ERICH5: variants seen among roughly 807,000 people sequenced by gnomAD.
ERICH5 encodes glutamate-rich protein 5.
A neutral mutation model predicts 28.0 loss-of-function variants in ERICH5; 24 were observed. The observed-to-expected ratio is 0.86, with a 90% CI of 0.62 to 1.21. The LOEUF is 1.21. ERICH5 is among the 50% of genes most tolerant of loss of function. ERICH5 has a pLI of 0.00. For synonymous variants in ERICH5, 163 were observed against 157.6 expected (o/e 1.03, Z -0.25); for missense variants, 421 against 441.2 (o/e 0.95, Z 0.41).
chr8:98,093,339 A>C lies in ERICH5; in HGVS notation c.*6A>C, dbSNP rs764878424. On this transcript the variant is annotated 3_prime_UTR_variant, in exon 3 of 3. Coordinates refer to ENST00000318528, the MANE Select transcript of ERICH5 (RefSeq NM_173549.3). ...ACCTTTCAGCAGCCACATAGATAGAAGAGTGAACCGACACAGTGTGTTATC... is the reference window on the plus strand; with the variant it reads ...ACCTTTCAGCAGCCACATAGATAGACGAGTGAACCGACACAGTGTGTTATC... 2 of 1,598,358 alleles carry C rather than the reference A, an allele frequency of 1.3e-6. No individual in the cohort carries two copies. Among genetic ancestry groups the C allele is most frequent in the South Asian group, 2.2e-5 (2 of 90,554 alleles).
intron 1 of ERICH5, among the ~76,000 whole-genome samples, chr8:98,065,172 C>A (rs986366338): frequency 6.6e-6 from 1 of 152,212 alleles, no homozygotes; most frequent in East Asian, 1.9e-4. Context: ...TCTCTTGAGA[C>A]CAGAAGTTCG....
intron 1 of ERICH5, among the ~76,000 whole-genome samples, chr8:98,087,529 T>A (rs1388025096): frequency 1.3e-5 from 2 of 151,960 alleles, no homozygotes; most frequent in Non-Finnish European, 2.9e-5. Context: ...AAGAAAAAGA[T>A]CCCCTAGAGA....
At chr8:98,091,900 C>T (rs200979827) in intron 2 of ERICH5, among the ~76,000 whole-genome samples, 1,876 of 74,528 alleles carry the variant, frequency 0.025, 33 homozygotes, top group Admixed American at 0.028. Context: ...TTCTTTCTTT[C>T]CTTTCTTTCT....
chr8:98,073,440 A>C (rs1348439858), intron 1 of ERICH5, among the ~76,000 whole-genome samples: 5,593 of 17,730 alleles, frequency 0.32, 1,485 homozygotes, highest in East Asian at 0.52. Flanking sequence ...CTCTATATAT[A>C]TATATATATA....
At chr8:98,081,020 C>T (rs887207189) in intron 1 of ERICH5, among the ~76,000 whole-genome samples, 1 of 152,016 alleles carries the variant, frequency 6.6e-6, no homozygotes, top group African/African-American at 2.4e-5. Context: ...TCTTCTATCA[C>T]AGAAATGTAC....
At chr8:98,070,676 A>AG (rs961275149) in intron 1 of ERICH5, among the ~76,000 whole-genome samples, 7 of 146,024 alleles carry the variant, frequency 4.8e-5, no homozygotes, top group Non-Finnish European at 9.0e-5. Context: ...AAAAAAAAAA[A>AG]AAAAAAGAAA....
intron 1 of ERICH5, among the ~76,000 whole-genome samples, chr8:98,081,351 C>T (rs2130523859): frequency 6.6e-6 from 1 of 152,304 alleles, no homozygotes; most frequent in East Asian, 1.9e-4. Flanking sequence ...AGTGATCCAC[C>T]TGCCTTGGCC....
intron 1 of ERICH5, among the ~76,000 whole-genome samples, chr8:98,072,141 T>C (rs1428848097): frequency 6.6e-6 from 1 of 152,162 alleles, no homozygotes; most frequent in Non-Finnish European, 1.5e-5. Context: ...GTGCATGATT[T>C]AGTACTACCT....
intron 1 of ERICH5, among the ~76,000 whole-genome samples, chr8:98,071,554 C>T (rs1157790088): frequency 6.6e-6 from 1 of 152,126 alleles, no homozygotes; most frequent in Admixed American, 6.6e-5. Flanking sequence ...TCATAGCTCA[C>T]GGCAGCTTGG....
rs778162369 is a variant in ERICH5 at position 98,093,366 on chromosome 8, T to C, written c.*33T>C. 4.8e-6 allele frequency: 7 copies of C among 1,462,388 alleles called. No homozygotes were observed. Among genetic ancestry groups the C allele is most frequent in the South Asian group, 1.2e-5 (1 of 85,000 alleles). 90.6% of individuals were successfully genotyped at this position (1,462,388 alleles called of 1,614,324 possible). A position where few individuals can be genotyped will look rare whatever the true frequency, so the allele number is the denominator to read the frequency against. On this transcript the variant is annotated 3_prime_UTR_variant, in exon 3 of 3. Transcript: ENST00000318528. ...AGTGAACCGACACAGTGTGTTATCA[T>C]AGAGGAGACAAAAATGGTAGTGAAG...
chr8:98,084,128 A>ATCACT (rs1815231226), intron 1 of ERICH5, among the ~76,000 whole-genome samples: 1 of 149,890 alleles, frequency 6.7e-6, no homozygotes, highest in Non-Finnish European at 1.5e-5. Context: ...GCCTCAAGTG[A>ATCACT]TCCTCCTGCC....
Position 98,064,711 on chromosome 8 carries a change from C to T in ERICH5, c.42C>T (p.Ser14=), listed in dbSNP as rs770359840. The T allele has an allele frequency of 3.9e-6, 6 of 1,534,158 alleles. No homozygotes were observed. The highest frequency in any genetic ancestry group is 5.2e-6 in the Non-Finnish European group (6 of 1,143,442). ...GCGCCCTCAACAAGGCCGGCGACAG[C>T]AGCAGGTTCCCCAGCGGTGAGCAGG... ...SSSALNKAGD[S]SRFPSVTSNE... Residue 14 remains serine (S), a synonymous_variant, in exon 1 of 3, where the codon AGC becomes AGT. Coordinates refer to ENST00000318528, the MANE Select transcript of ERICH5 (RefSeq NM_173549.3).
chr8:98,079,729 G>A (rs1417756530), intron 1 of ERICH5, among the ~76,000 whole-genome samples: 8 of 152,020 alleles, frequency 5.3e-5, no homozygotes, highest in African/African-American at 1.2e-4. Context: ...TAGTAGAGAC[G>A]GGGTTTCACC....
At chr8:98,071,281 A>G (rs896797883) in intron 1 of ERICH5, among the ~76,000 whole-genome samples, 8 of 152,136 alleles carry the variant, frequency 5.3e-5, no homozygotes, top group Admixed American at 1.3e-4. Flanking sequence ...CCCTCTCAAA[A>G]AAAAAGAAAA....
At chr8:98,071,535 A>G (rs1343994674) in intron 1 of ERICH5, among the ~76,000 whole-genome samples, 1 of 151,888 alleles carries the variant, frequency 6.6e-6, no homozygotes, top group Non-Finnish European at 1.5e-5. Context: ...CTGGAGTGCA[A>G]TGGTGCAATC....
At chr8:98,088,771 A>G (rs1815325143) in intron 1 of ERICH5, among the ~76,000 whole-genome samples, 1 of 152,222 alleles carries the variant, frequency 6.6e-6, no homozygotes, top group Admixed American at 6.5e-5. Flanking sequence ...AGAAGAGAGA[A>G]ACAGAGTAAG....
rs529670927 is a variant in ERICH5, at chr8:98,073,982, A to G, written c.58+9255A>G. Among the ~76,000 whole-genome samples the G allele has an allele frequency of 2.7e-5, 4 of 147,622 alleles. No homozygotes were observed. The South Asian group carries it at 8.5e-4, about 31-fold the overall frequency. ...ACCCAGGCTGGAATGCAGTGGCGCT[A>G]TCACAACTCACTGAAGCCTCGACCT... On this transcript the variant is annotated intron_variant, in intron 1 of 2. Coordinates refer to ENST00000318528, the MANE Select transcript of ERICH5 (RefSeq NM_173549.3).
At chr8:98,080,022 C>G (rs1278926896) in intron 1 of ERICH5, among the ~76,000 whole-genome samples, 1 of 152,194 alleles carries the variant, frequency 6.6e-6, no homozygotes, top group Admixed American at 6.5e-5. Context: ...ACTCCTGGTA[C>G]TCAAGGGAAC....
At chr8:98,093,177 TC>T in intron 2 of ERICH5, 43 bp from the exon 3 acceptor site, 2 of 1,374,950 alleles carry the variant, frequency 1.5e-6, no homozygotes, top group Non-Finnish European at 2.1e-6. Flanking sequence ...TTATGTTAAT[TC>T]TAAATAAATG....
Sources: gnomAD v4.1 joint callset for allele counts (sites outside exome capture counted in the v4.1 genomes callset) on GRCh38, gnomAD v4.1.1 for gene constraint, MANE v1.5 for transcripts, NCBI Gene and HGNC (gene_info 2026-07-23, HGNC 2026-07-21) for gene names.